Variants in CDH12 observed in about 807,000 individuals in gnomAD.
CDH12 encodes the protein cadherin 12.
A neutral mutation model predicts 74.1 loss-of-function variants in CDH12; 41 were observed. That is an observed-to-expected ratio of 0.55 (90% CI 0.43 to 0.72). CDH12 has a LOEUF of 0.72. CDH12 is among the 30% of genes least tolerant of loss of function. The probability of loss-of-function intolerance (pLI) is 0.00; values close to 1 mark genes in which losing one functional copy is unlikely to be tolerated. For synonymous variants in CDH12, 399 were observed against 355.0 expected, an observed-to-expected ratio of 1.12 and a Z score of -1.39; for missense variants, 945 against 977.2, an observed-to-expected ratio of 0.97 and a Z score of 0.44.
Position 22,091,164 on chromosome 5 carries a change from T to C in CDH12, c.-186-12302A>G, listed in dbSNP as rs192639006. Reference sequence around the variant, plus strand: ...CTCAACTTGCAGATGACATGATCTTTTATATTAAATATCCTAAAGTGTGTG... The same window carrying C: ...CTCAACTTGCAGATGACATGATCTTCTATATTAAATATCCTAAAGTGTGTG... On this transcript the variant is annotated intron_variant, in intron 4 of 14. Coordinates refer to ENST00000382254, the MANE Select transcript of CDH12 (RefSeq NM_004061.5). Among the ~76,000 whole-genome samples the C allele has an allele frequency of 1.1e-3, 166 of 148,884 alleles. 1 individual carries two copies. The highest frequency in any genetic ancestry group is 8.6e-3 in the Admixed American group (126 of 14,714).
At chr5:22,612,872 A>G (rs1737481307) in intron 1 of CDH12, among the ~76,000 whole-genome samples, 1 of 152,128 alleles carries the variant, frequency 6.6e-6, no homozygotes, top group African/African-American at 2.4e-5. Flanking sequence ...TAAAGATTGT[A>G]TTTAAAGGAT....
chr5:22,462,376 G>A (rs1051916866), intron 2 of CDH12, among the ~76,000 whole-genome samples: 1 of 152,132 alleles, frequency 6.6e-6, no homozygotes, highest in Admixed American at 6.6e-5. Context: ...TGGGATATAA[G>A]GCTAGACCCC....
chr5:22,770,237 T>C (rs769969205), intron 1 of CDH12, among the ~76,000 whole-genome samples: 10 of 152,084 alleles, frequency 6.6e-5, no homozygotes, highest in Non-Finnish European at 1.3e-4. Context: ...TCTACACTAA[T>C]AAGCATATAC....
intron 1 of CDH12, among the ~76,000 whole-genome samples, chr5:22,794,362 A>T (rs1398147782): frequency 6.6e-6 from 1 of 152,172 alleles, no homozygotes; most frequent in Non-Finnish European, 1.5e-5. Context: ...CCATACTCAC[A>T]GCTCCATCAG....
chr5:22,725,396 G>T (rs775671354), intron 1 of CDH12, among the ~76,000 whole-genome samples: 1 of 151,810 alleles, frequency 6.6e-6, no homozygotes, highest in African/African-American at 2.4e-5. Flanking sequence ...TAGTATTGAA[G>T]TTAATCTAGC....
chr5:22,105,567 C>T (rs903258151), intron 4 of CDH12, among the ~76,000 whole-genome samples: 8 of 151,538 alleles, frequency 5.3e-5, no homozygotes, highest in Non-Finnish European at 1.0e-4. Flanking sequence ...GTGTGGTGTT[C>T]TGCACCTGTA....
intron 6 of CDH12, among the ~76,000 whole-genome samples, chr5:21,945,958 C>A (rs1010687056): frequency 1.3e-5 from 2 of 150,728 alleles, no homozygotes; most frequent in Non-Finnish European, 2.9e-5. Context: ...ATAGAATACA[C>A]CCAAATACAT....
intron 5 of CDH12, among the ~76,000 whole-genome samples, chr5:21,977,343 T>C (rs1218035014): frequency 1.3e-5 from 2 of 152,114 alleles, no homozygotes; most frequent in Non-Finnish European, 2.9e-5. Flanking sequence ...TTTGAACTTA[T>C]GAATTTCAAA....
intron 5 of CDH12, among the ~76,000 whole-genome samples, chr5:22,034,170 G>T (rs1443088321): frequency 6.6e-6 from 1 of 152,080 alleles, no homozygotes. Context: ...AAGTAGTGGA[G>T]GTTACAGTAG....
intron 6 of CDH12, among the ~76,000 whole-genome samples, chr5:21,932,664 G>T (rs1025033): frequency 0.74 from 111,739 of 151,832 alleles, 44,166 homozygotes; most frequent in East Asian, 0.93. Context: ...ACTTTCGGAG[G>T]CCAAGGCAGG....
intron 5 of CDH12, among the ~76,000 whole-genome samples, chr5:22,068,075 A>C (rs555077566): frequency 6.6e-6 from 1 of 152,242 alleles, no homozygotes; most frequent in Non-Finnish European, 1.5e-5. Flanking sequence ...TGGCACACCA[A>C]CTTCCTATGT....
intron 6 of CDH12, among the ~76,000 whole-genome samples, chr5:21,948,535 C>T (rs1303031804): frequency 6.6e-6 from 1 of 152,114 alleles, no homozygotes; most frequent in Admixed American, 6.5e-5. Flanking sequence ...AAGTAACTAA[C>T]TTGCTTTTGA....
At chr5:21,907,743 T>C (rs1753704156) in intron 6 of CDH12, among the ~76,000 whole-genome samples, 1 of 152,190 alleles carries the variant, frequency 6.6e-6, no homozygotes, top group South Asian at 2.1e-4. Flanking sequence ...TGGAATTTCA[T>C]TTTTACATTT....
chr5:22,567,637 C>CAA (rs35222898), intron 1 of CDH12, among the ~76,000 whole-genome samples: 24,632 of 152,056 alleles, frequency 0.16, 2,556 homozygotes, highest in East Asian at 0.36. Context: ...TTATAATAAT[C>CAA]AGGCAAACTG....
intron 3 of CDH12, among the ~76,000 whole-genome samples, chr5:22,397,119 G>A (rs1341496975): frequency 1.3e-5 from 2 of 152,070 alleles, no homozygotes; most frequent in Admixed American, 6.6e-5. Flanking sequence ...TCCCTTGTAG[G>A]TAGATGAGGC....
chr5:22,547,374 C>T (rs1178411749), intron 1 of CDH12, among the ~76,000 whole-genome samples: 1 of 151,998 alleles, frequency 6.6e-6, no homozygotes, highest in African/African-American at 2.4e-5. Flanking sequence ...AATGACTGGC[C>T]GGTGATTCAG....
chr5:21,844,378 A>G (rs1004298819), intron 7 of CDH12, among the ~76,000 whole-genome samples: 6 of 151,998 alleles, frequency 3.9e-5, no homozygotes, highest in Admixed American at 3.9e-4. Flanking sequence ...TAACTACATT[A>G]TTTTTCCTCT....
chr5:21,938,498 A>G, intron 6 of CDH12, among the ~76,000 whole-genome samples: 1 of 146,606 alleles, frequency 6.8e-6, no homozygotes, highest in East Asian at 2.0e-4. Context: ...TACATAACCA[A>G]TTCTAGGAGG....
chr5:21,925,941 T>TAAA (rs34061040), intron 6 of CDH12, among the ~76,000 whole-genome samples: 5 of 149,536 alleles, frequency 3.3e-5, no homozygotes, highest in African/African-American at 9.8e-5. Flanking sequence ...ATGCTTTTGA[T>TAAA]AAAAAAAAAA....
Sources: gnomAD v4.1 joint callset for allele counts (sites outside exome capture counted in the v4.1 genomes callset) on GRCh38, gnomAD v4.1.1 for gene constraint, MANE v1.5 for transcripts, NCBI Gene and HGNC (gene_info 2026-07-23, HGNC 2026-07-21) for gene names.